The following ATF7IP variants were observed in gnomAD, a reference collection of about 807,000 sequenced individuals.
ATF7IP encodes the protein activating transcription factor 7 interacting protein.
Under a neutral mutation model 106.4 loss-of-function variants are expected in ATF7IP, and 23 were observed. The ratio of observed to expected loss-of-function variants is 0.22; its 90% CI spans 0.16 to 0.31. The LOEUF (loss-of-function observed/expected upper bound fraction) is 0.31, where lower values mean the gene tolerates loss of function less well. Ranked by LOEUF, ATF7IP falls within the 10% of genes least tolerant of loss-of-function variation. The pLI, the probability that ATF7IP is intolerant of heterozygous loss-of-function variation, is 1.00. For synonymous variants in ATF7IP, 542 were observed against 539.0 expected (o/e 1.01, Z -0.08); for missense variants, 1,334 against 1,524.3 (o/e 0.88, Z 2.08).
chr12:14,448,811 G>T (rs969475912), intron 6 of ATF7IP, among the ~76,000 whole-genome samples: 1 of 152,064 alleles, frequency 6.6e-6, no homozygotes, highest in Non-Finnish European at 1.5e-5. Context: ...CCTCGCTAAC[G>T]TGTTATTTTC....
At position 14,375,225 on chromosome 12, in the gene ATF7IP, TC is replaced by T. The variant is rs1363611773; in HGVS notation, c.-8+9399del. On this transcript the variant is annotated intron_variant, in intron 1 of 14. Coordinates refer to ENST00000261168, the MANE Select transcript of ATF7IP (RefSeq NM_018179.5). Reference sequence around the variant, plus strand: ...AGATGTCAGAACTTTTTTTTTTTAATCAAACATGTAATTTACTCAGATGGCA... The same window carrying T: ...AGATGTCAGAACTTTTTTTTTTTAATAAACATGTAATTTACTCAGATGGCA... Among the ~76,000 whole-genome samples, 6 of 152,162 alleles carry T rather than the reference TC, an allele frequency of 3.9e-5. No individual in the cohort carries two copies. The East Asian group carries it at 1.2e-3, about 29-fold the overall frequency.
At chr12:14,484,214 T>G (rs1944515947) in intron 13 of ATF7IP, among the ~76,000 whole-genome samples, 1 of 152,060 alleles carries the variant, frequency 6.6e-6, no homozygotes, top group Admixed American at 6.6e-5. Flanking sequence ...TAAGTGGAAG[T>G]CCATGTTGCT....
rs1359355177 is a variant in ATF7IP, at chr12:14,424,465, G to A, written c.550G>A (p.Val184Met). ...CTCTGGTGATGCCCCTTCTGGTGAT[G>A]TGTCCCCTGGTGATGCCACCTCTGG... is the stretch of plus-strand genomic sequence containing the variant. ...ATSGDAPSGD[V>M]SPGDATSGDA... Residue 184 changes from valine (V) to methionine (M), a missense_variant, in exon 2 of 15, where the codon GTG becomes ATG. By Grantham distance (21) the Val-to-Met change is conservative. This residue lies in a region of ATF7IP where 438 missense variants were observed against 405.3 expected (regional missense o/e 1.08). Coordinates refer to ENST00000261168, the MANE Select transcript of ATF7IP (RefSeq NM_018179.5). 2 of 1,611,344 alleles carry A rather than the reference G, an allele frequency of 1.2e-6. No individual in the cohort carries two copies.
chr12:14,398,388 T>G (rs1035192607), intron 1 of ATF7IP, among the ~76,000 whole-genome samples: 13 of 63,008 alleles, frequency 2.1e-4, no homozygotes, highest in African/African-American at 3.4e-4. Context: ...CATCTAAAAG[T>G]TTTTTTTTTT....
intron 6 of ATF7IP, among the ~76,000 whole-genome samples, chr12:14,454,014 T>C (rs927325827): frequency 7.2e-5 from 11 of 152,208 alleles, no homozygotes; most frequent in African/African-American, 2.4e-4. Flanking sequence ...AGATTTATTT[T>C]ATTTATTTGA....
At chr12:14,442,877 A>G (rs775004132) in intron 5 of ATF7IP, among the ~76,000 whole-genome samples, 12 of 152,108 alleles carry the variant, frequency 7.9e-5, no homozygotes, top group Non-Finnish European at 1.3e-4. Flanking sequence ...GCAGGAGGCC[A>G]GGTGTGATGG....
intron 1 of ATF7IP, among the ~76,000 whole-genome samples, chr12:14,415,951 C>T (rs528234050): frequency 1.4e-4 from 22 of 152,118 alleles, no homozygotes; most frequent in Admixed American, 1.2e-3. Context: ...GGACCAGTCT[C>T]CCACAAATAC....
At chr12:14,379,603 G>A (rs1938917531) in intron 1 of ATF7IP, among the ~76,000 whole-genome samples, 1 of 151,884 alleles carries the variant, frequency 6.6e-6, no homozygotes, top group South Asian at 2.1e-4. Flanking sequence ...TTTGAGAAAG[G>A]GTGCATGGGA....
chr12:14,476,714 G>GTA (rs1304246118), intron 11 of ATF7IP, among the ~76,000 whole-genome samples: 11 of 151,940 alleles, frequency 7.2e-5, no homozygotes, highest in Admixed American at 3.3e-4. Context: ...TGCAGATACT[G>GTA]TATATATATG....
intron 14 of ATF7IP, 68 bp from the exon 15 acceptor site, chr12:14,497,586 T>C: frequency 6.9e-7 from 1 of 1,452,720 alleles, no homozygotes; most frequent in South Asian, 1.3e-5. Context: ...TCTAAGGTGT[T>C]TTAATTCTAA....
rs9651867 is a variant in ATF7IP, at chr12:14,445,055, G to A, written c.1930-1933G>A. 5.9e-3 allele frequency among the ~76,000 whole-genome samples: 871 copies of A among 148,326 alleles called. 10 individuals carry two copies. Among genetic ancestry groups the A allele is most frequent in the African/African-American group, 0.02 (792 of 39,944 alleles). The stretch of plus-strand genomic sequence containing the variant: ...CATCCAGGCTGGAGTGCAGTGGTGC[G>A]ATCTCGGCTCACTGCAGCCTCTGCC... On this transcript the variant is annotated intron_variant, in intron 5 of 14. Transcript: ENST00000261168.
chr12:14,370,327 G>T (rs1591749632), intron 1 of ATF7IP, among the ~76,000 whole-genome samples: 1 of 152,268 alleles, frequency 6.6e-6, no homozygotes, highest in East Asian at 1.9e-4. Flanking sequence ...GGTTGACAAT[G>T]ACTGTATCTG....
chr12:14,373,447 T>G (rs1938610290), intron 1 of ATF7IP, among the ~76,000 whole-genome samples: 1 of 152,114 alleles, frequency 6.6e-6, no homozygotes, highest in Non-Finnish European at 1.5e-5. Flanking sequence ...GAAAGAACAA[T>G]GGGAGTGCAT....
At chr12:14,493,520 A>C (rs953170307) in intron 13 of ATF7IP, among the ~76,000 whole-genome samples, 1 of 152,134 alleles carries the variant, frequency 6.6e-6, no homozygotes, top group African/African-American at 2.4e-5. Flanking sequence ...ACAAAGTTGG[A>C]AAGGCTGATG....
At chr12:14,462,724 A>G (rs894823166) in intron 9 of ATF7IP, among the ~76,000 whole-genome samples, 5 of 151,982 alleles carry the variant, frequency 3.3e-5, no homozygotes, top group Non-Finnish European at 7.4e-5. Context: ...AGTCTGTTTC[A>G]TTTGACTATT....
intron 8 of ATF7IP, among the ~76,000 whole-genome samples, chr12:14,459,717 T>A (rs1943566925): frequency 6.6e-6 from 1 of 152,216 alleles, no homozygotes; most frequent in Admixed American, 6.5e-5. Flanking sequence ...GAACCTGTTA[T>A]TTTTGGAAAG....
intron 2 of ATF7IP, among the ~76,000 whole-genome samples, chr12:14,426,809 G>GT (rs1298931694): frequency 2.7e-5 from 2 of 74,288 alleles, no homozygotes; most frequent in Non-Finnish European, 4.8e-5. Flanking sequence ...GGGTGACAAA[G>GT]TAAGACCCTG....
chr12:14,444,170 T>C (rs1942845090), intron 5 of ATF7IP, among the ~76,000 whole-genome samples: 2 of 152,210 alleles, frequency 1.3e-5, no homozygotes, highest in African/African-American at 4.8e-5. Flanking sequence ...TGGTTATGAC[T>C]TAGAAAATGC....
chr12:14,456,993 C>CAAGAGTT (rs1264751427), intron 7 of ATF7IP, among the ~76,000 whole-genome samples: 1 of 152,256 alleles, frequency 6.6e-6, no homozygotes, highest in East Asian at 1.9e-4. Context: ...CATTAGAATA[C>CAAGAGTT]AAGAGTTAAG....
Sources: gnomAD v4.1 joint callset for allele counts (sites outside exome capture counted in the v4.1 genomes callset) on GRCh38, gnomAD v4.1.1 for gene constraint, gnomAD v4.1.1 regional missense constraint, MANE v1.5 for transcripts, NCBI Gene and HGNC (gene_info 2026-07-23, HGNC 2026-07-21) for gene names.